The following WDPCP variants were observed in gnomAD, a reference collection of about 807,000 sequenced individuals.
WDPCP encodes WD repeat-containing and planar cell polarity effector protein fritz homolog.
Under a neutral mutation model 93.1 loss-of-function variants are expected in WDPCP, and 71 were observed. The observed-to-expected ratio is 0.76, with a 90% CI of 0.63 to 0.93. The LOEUF (loss-of-function observed/expected upper bound fraction) is 0.93, where lower values mean the gene tolerates loss of function less well. Among genes scored for constraint, WDPCP ranks in the 40% least tolerant of loss-of-function variants. The pLI, the probability that WDPCP is intolerant of heterozygous loss-of-function variation, is 0.00. For missense variants in WDPCP, 844 were observed against 887.4 expected (o/e 0.95, Z 0.62); for synonymous variants, 315 against 315.0 (o/e 1.00, Z 0.00).
chr2:63,235,063 CT>C (rs1284756423), intron 14 of WDPCP, among the ~76,000 whole-genome samples: 1 of 151,974 alleles, frequency 6.6e-6, no homozygotes, highest in African/African-American at 2.4e-5. Flanking sequence ...AAAGTTGGTT[CT>C]TTGAAAGGCT....
At chr2:63,462,552 G>C (rs1010069026) in intron 6 of WDPCP, among the ~76,000 whole-genome samples, 3 of 152,118 alleles carry the variant, frequency 2.0e-5, no homozygotes, top group African/African-American at 7.2e-5. Flanking sequence ...CTACTATGTG[G>C]AGAGCAGACT....
intron 6 of WDPCP, among the ~76,000 whole-genome samples, chr2:63,478,528 C>A (rs778484282): frequency 1.3e-5 from 2 of 151,996 alleles, no homozygotes; most frequent in African/African-American, 4.8e-5. Flanking sequence ...CAAAAGGAAC[C>A]CTCAAAACCA....
At chr2:63,358,869 T>C (rs945816270) in intron 12 of WDPCP, among the ~76,000 whole-genome samples, 10 of 152,198 alleles carry the variant, frequency 6.6e-5, no homozygotes, top group African/African-American at 2.4e-4. Flanking sequence ...CCAAAATTTC[T>C]ATACAGACTA....
chr2:63,287,719 G>A (rs1475311006), intron 13 of WDPCP, among the ~76,000 whole-genome samples: 1 of 152,064 alleles, frequency 6.6e-6, no homozygotes, highest in African/African-American at 2.4e-5. Context: ...CAGAGATTTG[G>A]CACAGAAGTA....
intron 13 of WDPCP, among the ~76,000 whole-genome samples, chr2:63,308,087 A>G (rs1202720332): frequency 1.3e-5 from 2 of 152,248 alleles, no homozygotes; most frequent in Admixed American, 1.3e-4. Flanking sequence ...TGGGCAAAGA[A>G]TATGAACAGA....
At chr2:63,413,362 A>C (rs62177834) in intron 9 of WDPCP, among the ~76,000 whole-genome samples, 2 of 152,060 alleles carry the variant, frequency 1.3e-5, no homozygotes, top group Non-Finnish European at 2.9e-5. Flanking sequence ...ACCTTGTACA[A>C]AAATCAACTC....
chr2:63,780,722 C>T (rs1251720287), intron 2 of WDPCP, among the ~76,000 whole-genome samples: 1 of 152,176 alleles, frequency 6.6e-6, no homozygotes, highest in Non-Finnish European at 1.5e-5. Context: ...CTCAGGAAAA[C>T]ACATCTTTCT....
chr2:63,700,845 C>T, intron 2 of WDPCP, among the ~76,000 whole-genome samples: 1 of 152,034 alleles, frequency 6.6e-6, no homozygotes, highest in Admixed American at 6.6e-5. Flanking sequence ...AGACCTCTAT[C>T]TCTCACTATA....
chr2:63,455,439 T>TATATAC (rs1463902775), intron 6 of WDPCP, among the ~76,000 whole-genome samples: 6 of 112,252 alleles, frequency 5.3e-5, no homozygotes, highest in South Asian at 2.7e-4. Context: ...TATATATATA[T>TATATAC]ACACACACAC....
At chr2:63,226,790 A>G (rs908450323) in intron 14 of WDPCP, among the ~76,000 whole-genome samples, 4 of 151,914 alleles carry the variant, frequency 2.6e-5, no homozygotes, top group Non-Finnish European at 4.4e-5. Context: ...ATGAATGTAC[A>G]TGTACAAACT....
chr2:63,548,325 G>A (rs1439248878), intron 1 of WDPCP, among the ~76,000 whole-genome samples: 1 of 151,974 alleles, frequency 6.6e-6, no homozygotes, highest in Non-Finnish European at 1.5e-5. Context: ...AAGACAGTCA[G>A]TTTATAATGA....
intron 2 of WDPCP, among the ~76,000 whole-genome samples, chr2:63,670,882 G>GA (rs964096752): frequency 7.9e-5 from 12 of 151,322 alleles, no homozygotes; most frequent in Non-Finnish European, 1.5e-4. Flanking sequence ...TGAAAGAGAG[G>GA]AAAAAAAAGT....
intron 3 of WDPCP, among the ~76,000 whole-genome samples, chr2:63,603,311 C>A (rs961275017): frequency 5.3e-5 from 8 of 152,066 alleles, no homozygotes; most frequent in African/African-American, 1.9e-4. Context: ...CTGTTATTAC[C>A]CTTATTTTAA....
rs143941852 is a variant in WDPCP at position 63,649,933 on chromosome 2, C to A, written n.488+726G>T. 4.6e-3 allele frequency among the ~76,000 whole-genome samples: 696 copies of A among 152,300 alleles called. 9 individuals carry two copies. Among genetic ancestry groups the A allele is most frequent in the African/African-American group, 0.016 (660 of 41,550 alleles). ...CAGATACAGTATTTGGCCAGAGAGG[C>A]TTAAACCAAGTCTGACAGACAACCT... On this transcript the variant is annotated intron_variant and non_coding_transcript_variant, in intron 3 of 4. Coordinates refer to the WDPCP transcript ENST00000467687.
intron 1 of WDPCP, among the ~76,000 whole-genome samples, chr2:63,583,077 A>T (rs959133855): frequency 6.6e-6 from 1 of 152,236 alleles, no homozygotes; most frequent in African/African-American, 2.4e-5. Context: ...AATAACGATG[A>T]TGTTGTATGG....
At chr2:63,668,484 G>A (rs1055990669) in intron 2 of WDPCP, among the ~76,000 whole-genome samples, 2 of 152,178 alleles carry the variant, frequency 1.3e-5, no homozygotes, top group Non-Finnish European at 1.5e-5. Context: ...CAAAAGAACC[G>A]TCTACCCCAA....
chr2:63,423,098 G>C (rs1167810753), intron 9 of WDPCP, among the ~76,000 whole-genome samples: 1 of 152,162 alleles, frequency 6.6e-6, no homozygotes, highest in Admixed American at 6.5e-5. Flanking sequence ...GGTACTTCTG[G>C]GTGCCTGCAC....
intron 2 of WDPCP, among the ~76,000 whole-genome samples, chr2:63,660,183 A>T (rs1202730201): frequency 6.6e-6 from 1 of 152,050 alleles, no homozygotes; most frequent in African/African-American, 2.4e-5. Flanking sequence ...TTTTAAAAAA[A>T]TTCATTATTA....
intron 2 of WDPCP, among the ~76,000 whole-genome samples, chr2:63,725,090 T>C (rs1013651881): frequency 2.0e-5 from 3 of 152,170 alleles, no homozygotes; most frequent in African/African-American, 7.2e-5. Context: ...CGTGCAGGTT[T>C]GTTACCTGGG....
Sources: gnomAD v4.1 joint callset for allele counts (sites outside exome capture counted in the v4.1 genomes callset) on GRCh38, gnomAD v4.1.1 for gene constraint, MANE v1.5 for transcripts, NCBI Gene and HGNC (gene_info 2026-07-23, HGNC 2026-07-21) for gene names.